GRIA4: variants seen among roughly 807,000 people sequenced by gnomAD.
GRIA4 encodes glutamate ionotropic receptor AMPA type subunit 4, also known as glutamate receptor 4.
GRIA4 carries 34 observed loss-of-function variants against 104.0 expected under a neutral mutation model. The observed-to-expected ratio is 0.33, with a 90% CI of 0.25 to 0.44. The LOEUF (loss-of-function observed/expected upper bound fraction) is 0.44, where lower values mean the gene tolerates loss of function less well. Ranked by LOEUF, GRIA4 falls within the 20% of genes least tolerant of loss-of-function variation. GRIA4 has a pLI of 1.00. For missense variants in GRIA4, 750 were observed against 1,096.5 expected (o/e 0.68, Z 4.46); for synonymous variants, 386 against 381.9 (o/e 1.01, Z -0.13).
At chr11:105,870,162 T>C (rs1591374247) in intron 5 of GRIA4, among the ~76,000 whole-genome samples, 1 of 151,494 alleles carries the variant, frequency 6.6e-6, no homozygotes, top group South Asian at 2.1e-4. Flanking sequence ...ATTATATATA[T>C]AGTGTGCATG....
intron 5 of GRIA4, among the ~76,000 whole-genome samples, chr11:105,868,056 A>G (rs942853672): frequency 2.0e-5 from 3 of 152,198 alleles, no homozygotes; most frequent in Non-Finnish European, 2.9e-5. Flanking sequence ...TGCATAAATA[A>G]TTACAAAATA....
intron 3 of GRIA4, among the ~76,000 whole-genome samples, chr11:105,714,403 T>C (rs1051024037): frequency 2.0e-5 from 3 of 152,132 alleles, no homozygotes; most frequent in Non-Finnish European, 2.9e-5. Context: ...TTGAGATAAT[T>C]TGGTTGAATG....
At chr11:105,868,136 A>G (rs1351144557) in intron 5 of GRIA4, among the ~76,000 whole-genome samples, 1 of 152,206 alleles carries the variant, frequency 6.6e-6, no homozygotes, top group Non-Finnish European at 1.5e-5. Flanking sequence ...GTAACTAAGT[A>G]TAATCAAGGC....
intron 3 of GRIA4, among the ~76,000 whole-genome samples, chr11:105,663,812 A>G (rs1952084127): frequency 6.6e-6 from 1 of 151,938 alleles, no homozygotes; most frequent in Non-Finnish European, 1.5e-5. Context: ...ATATAATAAT[A>G]ACATCTTCCT....
At chr11:105,630,277 C>A (rs889882055) in intron 3 of GRIA4, among the ~76,000 whole-genome samples, 7 of 152,156 alleles carry the variant, frequency 4.6e-5, no homozygotes, top group African/African-American at 1.7e-4. Flanking sequence ...TAAATTAACA[C>A]CCACTAGGCC....
intron 3 of GRIA4, among the ~76,000 whole-genome samples, chr11:105,663,797 C>A (rs1952083526): frequency 6.6e-6 from 1 of 151,782 alleles, no homozygotes; most frequent in African/African-American, 2.4e-5. Flanking sequence ...GTCAATAGTC[C>A]ATTTATATAA....
rs553981643 is a variant in GRIA4 at position 105,699,242 on chromosome 11, C to T, written c.248-53739C>T. Among the ~76,000 whole-genome samples the T allele has an allele frequency of 3.9e-5, 6 of 152,254 alleles. No homozygotes were observed. In the South Asian group the frequency reaches 1.2e-3, roughly 32 times the overall value. ...TCTGTGCTATGTGCTGCAAATAGAG[C>T]AGGAAGAGGACAAACCCCTTCCTAG... On this transcript the variant is annotated intron_variant, in intron 3 of 16. Coordinates refer to ENST00000282499, the MANE Select transcript of GRIA4 (RefSeq NM_000829.4).
At chr11:105,939,715 G>A (rs916416071) in intron 14 of GRIA4, among the ~76,000 whole-genome samples, 3 of 152,174 alleles carry the variant, frequency 2.0e-5, no homozygotes, top group Non-Finnish European at 4.4e-5. Context: ...TCTATAAAGT[G>A]GCTTACATTC....
intron 5 of GRIA4, among the ~76,000 whole-genome samples, chr11:105,880,794 G>A (rs968110873): frequency 3.3e-5 from 5 of 152,140 alleles, no homozygotes; most frequent in Admixed American, 3.3e-4. Context: ...TCCAAATAGA[G>A]GTATGGTATC....
At chr11:105,738,020 C>T (rs1004269974) in intron 3 of GRIA4, among the ~76,000 whole-genome samples, 1 of 151,770 alleles carries the variant, frequency 6.6e-6, no homozygotes, top group East Asian at 1.9e-4. Context: ...CTCCCACCCC[C>T]CTGCCCTGTT....
intron 3 of GRIA4, among the ~76,000 whole-genome samples, chr11:105,616,565 T>G (rs1950606600): frequency 6.6e-6 from 1 of 151,686 alleles, no homozygotes; most frequent in Non-Finnish European, 1.5e-5. Context: ...AATATTTTTT[T>G]GTTTAATTCA....
rs549539442 is a variant in GRIA4, at chr11:105,647,004, A to G, written c.247+34570A>G. On this transcript the variant is annotated intron_variant, in intron 3 of 16. Coordinates refer to ENST00000282499, the MANE Select transcript of GRIA4 (RefSeq NM_000829.4). ...CTGCACAGAAAAACAAACTATCAGC[A>G]GAGTGATCAGACAGCCTATAGAATG... 3.3e-5 allele frequency among the ~76,000 whole-genome samples: 5 copies of G among 152,356 alleles called. No individual in the cohort carries two copies. The East Asian group carries it at 9.6e-4, about 29-fold the overall frequency.
At chr11:105,832,862 T>A (rs1224882412) in intron 4 of GRIA4, among the ~76,000 whole-genome samples, 1 of 152,020 alleles carries the variant, frequency 6.6e-6, no homozygotes, top group Non-Finnish European at 1.5e-5. Context: ...GGTTATTTTT[T>A]TCTCAAACAA....
intron 4 of GRIA4, among the ~76,000 whole-genome samples, chr11:105,859,778 GA>G (rs1034069603): frequency 8.6e-5 from 13 of 151,928 alleles, no homozygotes; most frequent in African/African-American, 1.2e-4. Flanking sequence ...AATAAAAGGA[GA>G]AAAAAGAAAA....
chr11:105,706,551 T>A (rs1236297445), intron 3 of GRIA4: 1 of 153,502 alleles, frequency 6.5e-6, no homozygotes, highest in East Asian at 1.9e-4. Context: ...AAAGGATAAA[T>A]ATAAAAATAT....
At chr11:105,762,863 G>A (rs1429830317) in intron 4 of GRIA4, among the ~76,000 whole-genome samples, 1 of 152,162 alleles carries the variant, frequency 6.6e-6, no homozygotes, top group Non-Finnish European at 1.5e-5. Context: ...CCCAGTCTGG[G>A]ATATGTCTTT....
At chr11:105,777,806 T>A (rs1196196822) in intron 4 of GRIA4, among the ~76,000 whole-genome samples, 1 of 152,150 alleles carries the variant, frequency 6.6e-6, no homozygotes, top group African/African-American at 2.4e-5. Flanking sequence ...AAAATCACTT[T>A]TTATAATTAT....
At chr11:105,869,841 C>T (rs1452117127) in intron 5 of GRIA4, among the ~76,000 whole-genome samples, 2 of 152,028 alleles carry the variant, frequency 1.3e-5, no homozygotes, top group Admixed American at 1.3e-4. Context: ...CCTAATTGGA[C>T]ACTAGTTCCC....
At chr11:105,628,693 T>C (rs936822407) in intron 3 of GRIA4, among the ~76,000 whole-genome samples, 2 of 152,226 alleles carry the variant, frequency 1.3e-5, no homozygotes, top group Admixed American at 6.5e-5. Flanking sequence ...CAGTTCTTTA[T>C]AGCAGTGTGA....
Sources: gnomAD v4.1 joint callset for allele counts (sites outside exome capture counted in the v4.1 genomes callset) on GRCh38, gnomAD v4.1.1 for gene constraint, MANE v1.5 for transcripts, NCBI Gene and HGNC (gene_info 2026-07-23, HGNC 2026-07-21) for gene names.